The following CACNA1E variants were observed in gnomAD, a reference collection of about 807,000 sequenced individuals.
The protein encoded by CACNA1E is calcium voltage-gated channel subunit alpha1 E.
In CACNA1E, 40 loss-of-function variants were observed where a neutral mutation model predicts 259.2. That is an observed-to-expected ratio of 0.15 (90% CI 0.12 to 0.20). The LOEUF (loss-of-function observed/expected upper bound fraction) is 0.20, where lower values mean the gene tolerates loss of function less well. Ranked by LOEUF, CACNA1E falls within the 10% of genes least tolerant of loss-of-function variation. The pLI is 1.00. For missense variants in CACNA1E, 1,874 were observed against 3,040.1 expected (o/e 0.62, Z 9.02); for synonymous variants, 1,104 against 1,138.5 (o/e 0.97, Z 0.61).
chr1:181,568,682 A>C (rs960661982), intron 3 of CACNA1E, among the ~76,000 whole-genome samples: 1 of 152,024 alleles, frequency 6.6e-6, no homozygotes, highest in African/African-American at 2.4e-5. Context: ...TGCAGCCTCT[A>C]TCTCCTGGGG....
chr1:181,594,798 C>G (rs1048463019), intron 6 of CACNA1E, among the ~76,000 whole-genome samples: 12 of 152,184 alleles, frequency 7.9e-5, no homozygotes, highest in Non-Finnish European at 1.2e-4. Flanking sequence ...TAATTAGGAA[C>G]ACCAATTCAG....
At chr1:181,446,636 G>A (rs544164874) in intron 2 of CACNA1E, among the ~76,000 whole-genome samples, 49 of 152,278 alleles carry the variant, frequency 3.2e-4, no homozygotes, top group East Asian at 7.7e-4. Context: ...GACTGAAAGC[G>A]AAGAATTTGT....
At chr1:181,528,418 A>G (rs1019070612) in intron 3 of CACNA1E, among the ~76,000 whole-genome samples, 1 of 152,212 alleles carries the variant, frequency 6.6e-6, no homozygotes, top group Non-Finnish European at 1.5e-5. Context: ...AAACAAACTA[A>G]TGCAGTAAAT....
chr1:181,517,947 T>C (rs1360337117), intron 3 of CACNA1E, among the ~76,000 whole-genome samples: 1 of 152,096 alleles, frequency 6.6e-6, no homozygotes, highest in African/African-American at 2.4e-5. Flanking sequence ...TTTGAATCCC[T>C]GTGGTAATAG....
chr1:181,544,110 A>T (rs981849747), intron 3 of CACNA1E, among the ~76,000 whole-genome samples: 5 of 152,226 alleles, frequency 3.3e-5, no homozygotes, highest in African/African-American at 9.6e-5. Context: ...CATGTCAGAC[A>T]ATGGAATACT....
At chr1:181,781,610 C>T (rs1215066773) in intron 39 of CACNA1E, 87 bp downstream of exon 39, 3 of 750,690 alleles carry the variant, frequency 4.0e-6, no homozygotes, top group Non-Finnish European at 7.0e-6. Flanking sequence ...GGGAGGAAGC[C>T]AGGCTGGGGA....
Position 181,776,296 on chromosome 1 carries a change from G to C in CACNA1E, c.5267+68G>C, listed in dbSNP as rs2102796949. 6.5e-7 allele frequency: 1 copy of C among 1,549,496 alleles called. No homozygotes were observed. Among genetic ancestry groups the C allele is most frequent in the African/African-American group, 1.4e-5 (1 of 73,670 alleles). On this transcript the variant is annotated intron_variant, in intron 38 of 47. Coordinates refer to ENST00000367573, the MANE Select transcript of CACNA1E (RefSeq NM_001205293.3). The surrounding 1 kb of genome is among the most constrained non-coding windows in gnomAD (Gnocchi z 4.4). ...GGTCTCTGGAGTTCCCAGGGAAGAG[G>C]CTGGAATTGGAGCCACCCAAATGCC...
chr1:181,550,316 G>T (rs1260560138), intron 3 of CACNA1E, among the ~76,000 whole-genome samples: 1 of 152,156 alleles, frequency 6.6e-6, no homozygotes, highest in Non-Finnish European at 1.5e-5. Flanking sequence ...GGCTTTGGCG[G>T]TTGGGTGTGT....
chr1:181,541,691 C>T (rs1668596268), intron 3 of CACNA1E, among the ~76,000 whole-genome samples: 1 of 152,166 alleles, frequency 6.6e-6, no homozygotes, highest in Admixed American at 6.5e-5. Context: ...TATGTTTTGA[C>T]CTGCAAAGAC....
chr1:181,480,364 C>G (rs1270750179), upstream of CACNA1E, among the ~76,000 whole-genome samples: 1 of 152,186 alleles, frequency 6.6e-6, no homozygotes, highest in Non-Finnish European at 1.5e-5. Context: ...AAGAATTATC[C>G]CTTTTAACTC....
intron 37 of CACNA1E, among the ~76,000 whole-genome samples, chr1:181,775,116 G>A (rs564068045): frequency 6.6e-6 from 1 of 152,260 alleles, no homozygotes; most frequent in South Asian, 2.1e-4. Flanking sequence ...ACATTTAAGA[G>A]CAACAGGAAG....
Position 181,457,952 on chromosome 1 carries a change from C to T in CACNA1E, c.435-25792C>T, listed in dbSNP as rs61812702. Among the ~76,000 whole-genome samples the T allele has an allele frequency of 2.3e-3, 345 of 152,212 alleles. 1 individual carries two copies. The highest frequency in any genetic ancestry group is 8.7e-3 in the South Asian group (42 of 4,812). ...GGGATGAAAAGGAGAACCTTGAGGC[C>T]GGGAGTGGGTGGGGATGTTGGCCTG... On this transcript the variant is annotated intron_variant, in intron 2 of 11. Coordinates refer to the CACNA1E transcript ENST00000524607.
chr1:181,494,645 AAAG>A lies in CACNA1E; in HGVS notation c.266+10640_266+10642del, dbSNP rs1258184141. Among the ~76,000 whole-genome samples, 10 of 152,322 alleles carry A rather than the reference AAAG, an allele frequency of 6.6e-5. No individual in the cohort carries two copies. In the East Asian group the frequency reaches 1.5e-3, roughly 23 times the overall value. ...TTTTAAATATGGGGAAGCTGAAGCTAAAGAAGATTAAATCACTTGCCCAAGGTC... is the reference window on the plus strand; with the variant it reads ...TTTTAAATATGGGGAAGCTGAAGCTAAAGATTAAATCACTTGCCCAAGGTC... On this transcript the variant is annotated intron_variant, in intron 1 of 47. Transcript: ENST00000367573.
intron 3 of CACNA1E, among the ~76,000 whole-genome samples, chr1:181,526,010 C>T (rs1667331870): frequency 6.6e-6 from 1 of 152,088 alleles, no homozygotes; most frequent in Non-Finnish European, 1.5e-5. Context: ...GTGCACAATT[C>T]TGGAAAAGGG....
chr1:181,767,826 A>G (rs1488721773), intron 35 of CACNA1E, among the ~76,000 whole-genome samples: 2 of 152,248 alleles, frequency 1.3e-5, no homozygotes, highest in Admixed American at 1.3e-4. Context: ...CTGAAGTTTC[A>G]TATTGGCTTT....
intron 1 of CACNA1E, among the ~76,000 whole-genome samples, chr1:181,499,355 A>G (rs914935365): frequency 6.6e-6 from 1 of 152,212 alleles, no homozygotes; most frequent in African/African-American, 2.4e-5. Context: ...AGAATTCTCT[A>G]TTGGAGCTAA....
chr1:181,416,888 CCCA>C (rs1223101745), intron 2 of CACNA1E, among the ~76,000 whole-genome samples: 1 of 152,140 alleles, frequency 6.6e-6, no homozygotes, highest in African/African-American at 2.4e-5. Context: ...GCCTCTCTTC[CCCA>C]CGTCTTCAGC....
Position 181,720,669 on chromosome 1 carries a change from A to G in CACNA1E, c.1884-114A>G, listed in dbSNP as rs1306317466. 4.4e-6 allele frequency: 3 copies of G among 679,108 alleles called. No homozygotes were observed. The African/African-American group carries it at 6.0e-5, about 14-fold the overall frequency. 42.1% of individuals were successfully genotyped at this position (679,108 alleles called of 1,614,324 possible). On this transcript the variant is annotated intron_variant, in intron 14 of 47. Coordinates refer to ENST00000367573, the MANE Select transcript of CACNA1E (RefSeq NM_001205293.3). ...GTGGAATGGGGAAAAAGTAGGGAAG[A>G]GGGGGGTTGTAGAAGAAAGGAGAAA...
At chr1:181,569,012 T>C (rs1010682494) in intron 3 of CACNA1E, among the ~76,000 whole-genome samples, 7 of 152,222 alleles carry the variant, frequency 4.6e-5, no homozygotes, top group Non-Finnish European at 1.0e-4. Flanking sequence ...GCCTCAAGAC[T>C]TTCTGTGCAG....
Sources: allele counts gnomAD v4.1 joint callset (sites outside exome capture counted in the v4.1 genomes callset), GRCh38; gene constraint gnomAD v4.1.1; non-coding constraint Gnocchi (gnomAD v3.1); transcripts MANE v1.5; gene names NCBI Gene and HGNC (gene_info 2026-07-23, HGNC 2026-07-21).